TGM6: variants seen among roughly 807,000 people sequenced by gnomAD.
TGM6 encodes protein-glutamine gamma-glutamyltransferase 6.
Under a neutral mutation model 77.5 loss-of-function variants are expected in TGM6, and 74 were observed. That is an observed-to-expected ratio of 0.96 (90% CI 0.79 to 1.16). The LOEUF is 1.16. Ranked by LOEUF, TGM6 falls within the 50% of genes most tolerant of loss-of-function variation. TGM6 has a pLI of 0.00. For missense variants in TGM6, 968 were observed against 940.2 expected, an observed-to-expected ratio of 1.03 and a Z score of -0.39; for synonymous variants, 383 against 378.9, an observed-to-expected ratio of 1.01 and a Z score of -0.12.
At chr20:2,413,637 A>T (rs368423358) in intron 9 of TGM6, among the ~76,000 whole-genome samples, 2 of 152,206 alleles carry the variant, frequency 1.3e-5, no homozygotes, top group Non-Finnish European at 2.9e-5. Context: ...ACATCCCCAC[A>T]TGCAAAAGAA....
At chr20:2,394,703 G>A in intron 2 of TGM6, 78 bp downstream of exon 2, 2 of 1,457,444 alleles carry the variant, frequency 1.4e-6, no homozygotes, top group Non-Finnish European at 1.9e-6. Flanking sequence ...ATAAGACCTT[G>A]CAGTCAGCAG....
chr20:2,411,352 C>G (rs1298325272), intron 9 of TGM6, among the ~76,000 whole-genome samples: 3 of 152,030 alleles, frequency 2.0e-5, no homozygotes, highest in African/African-American at 7.2e-5. Flanking sequence ...CATTGAAAAT[C>G]AGCTAATATA....
At position 2,382,852 on chromosome 20, in the gene TGM6, C is replaced by T. The variant is rs540213507; in HGVS notation, c.7+1877C>T. Among the ~76,000 whole-genome samples the T allele has an allele frequency of 8.5e-5, 13 of 152,276 alleles. No homozygotes were observed. The South Asian group carries it at 2.7e-3, about 32-fold the overall frequency. ...CTTCCCTCTGGAGCCTGGATGTGGC[C>T]CCAGAATGCTCAACCCAGCTCTTTA... On this transcript the variant is annotated intron_variant, in intron 1 of 12. Transcript: ENST00000202625.
chr20:2,429,448 A>T (rs532932044), intron 10 of TGM6, among the ~76,000 whole-genome samples: 87 of 150,852 alleles, frequency 5.8e-4, no homozygotes, highest in Non-Finnish European at 1.1e-3. Flanking sequence ...ACCTAAAAGA[A>T]AGAATATATA....
chr20:2,383,871 G>A (rs977810836), intron 1 of TGM6, among the ~76,000 whole-genome samples: 3 of 152,064 alleles, frequency 2.0e-5, no homozygotes, highest in Non-Finnish European at 2.9e-5. Flanking sequence ...ACTTTGCGAG[G>A]CCAAGGTGAG....
rs900668815 is a variant in TGM6, at chr20:2,399,692, A to T, written c.804A>T (p.Pro268=). The T allele has an allele frequency of 4.3e-6, 7 of 1,613,678 alleles. No homozygotes were observed. Among genetic ancestry groups the T allele is most frequent in the South Asian group, 2.2e-5 (2 of 91,040 alleles). The change falls in exon 6 of 13, where the codon CCA becomes CCT. Residue 268 remains proline (P), a synonymous_variant. Transcript: ENST00000202625. The part of the protein sequence containing the change: ...LQKWLKGRYK[P]VKYGQCWVFA... Reference sequence around the variant, plus strand: ...AGTGGCTCAAGGGCAGGTACAAGCCAGTCAAGTACGGCCAGTGCTGGGTCT... The same window carrying T: ...AGTGGCTCAAGGGCAGGTACAAGCCTGTCAAGTACGGCCAGTGCTGGGTCT...
chr20:2,409,094 T>G lies in TGM6; in HGVS notation c.1336+5271T>G, dbSNP rs534691075. ...CATATGCTCAGCCATAAAATAAGCC[T>G]CAGTAAACTTAAGAGGATTGAAATC... On this transcript the variant is annotated intron_variant, in intron 9 of 12. Coordinates refer to ENST00000202625, the MANE Select transcript of TGM6 (RefSeq NM_198994.3). Among the ~76,000 whole-genome samples the G allele has an allele frequency of 9.2e-5, 14 of 152,314 alleles. No homozygotes were observed. In the East Asian group the frequency reaches 2.7e-3, roughly 29 times the overall value.
chr20:2,426,450 T>G (rs2122432789), intron 10 of TGM6, among the ~76,000 whole-genome samples: 1 of 152,340 alleles, frequency 6.6e-6, no homozygotes, highest in East Asian at 1.9e-4. Flanking sequence ...AACAATTATA[T>G]CATTTGTGAA....
intron 5 of TGM6, among the ~76,000 whole-genome samples, chr20:2,398,967 T>C (rs1021162912): frequency 1.3e-5 from 2 of 152,062 alleles, no homozygotes; most frequent in African/African-American, 4.8e-5. Context: ...GCACAGAGAA[T>C]TAACATGAGT....
In TGM6 at chr20:2,389,407, C is replaced by G. The variant is rs2084616340; in HGVS notation, c.8-5045C>G. ...TCCAATTAAGAGCTGGCCAGTGGAG[C>G]TCTGCCCAAATTCCTGACCCACAAA... On this transcript the variant is annotated intron_variant, in intron 1 of 12. Coordinates refer to ENST00000202625, the MANE Select transcript of TGM6 (RefSeq NM_198994.3). Among the ~76,000 whole-genome samples the G allele has an allele frequency of 3.3e-5, 5 of 152,208 alleles. No individual in the cohort carries two copies. In the South Asian group the frequency reaches 1.0e-3, roughly 32 times the overall value.
intron 1 of TGM6, among the ~76,000 whole-genome samples, chr20:2,386,611 T>C (rs1375731350): frequency 6.6e-6 from 1 of 152,120 alleles, no homozygotes; most frequent in Admixed American, 6.5e-5. Context: ...GCTGGGACCA[T>C]GATCAAGTAT....
intron 1 of TGM6, among the ~76,000 whole-genome samples, chr20:2,389,687 T>C (rs1041913695): frequency 6.6e-6 from 1 of 152,174 alleles, no homozygotes; most frequent in Non-Finnish European, 1.5e-5. Flanking sequence ...AGGAAATCAA[T>C]TTTTCACTAA....
intron 12 of TGM6, 45 bp downstream of exon 12, chr20:2,431,072 C>G (rs1334288616): frequency 2.5e-6 from 4 of 1,581,884 alleles, no homozygotes; most frequent in Non-Finnish European, 2.6e-6. Flanking sequence ...GGCTCTCTTC[C>G]TTGTGGATGA....
chr20:2,382,807 C>T (rs893563482), intron 1 of TGM6, among the ~76,000 whole-genome samples: 2 of 152,180 alleles, frequency 1.3e-5, no homozygotes, highest in Admixed American at 6.5e-5. Flanking sequence ...TGGTGGACAT[C>T]CCTAGTTGAC....
intron 1 of TGM6, among the ~76,000 whole-genome samples, chr20:2,388,976 A>G (rs1364792512): frequency 6.6e-6 from 1 of 152,136 alleles, no homozygotes; most frequent in African/African-American, 2.4e-5. Context: ...TCTCAGCTCA[A>G]TATTCTTTTT....
intron 10 of TGM6, among the ~76,000 whole-genome samples, chr20:2,419,891 C>G (rs2084844215): frequency 1.3e-5 from 2 of 152,106 alleles, no homozygotes; most frequent in Non-Finnish European, 2.9e-5. Flanking sequence ...CATTTTGATG[C>G]AAAAAGAAAT....
chr20:2,393,087 A>G (rs2084639560), intron 1 of TGM6, among the ~76,000 whole-genome samples: 1 of 152,210 alleles, frequency 6.6e-6, no homozygotes, highest in African/African-American at 2.4e-5. Flanking sequence ...TATACAGTCC[A>G]TCCTCAACAC....
chr20:2,392,292 C>T (rs965946637), intron 1 of TGM6, among the ~76,000 whole-genome samples: 2 of 152,194 alleles, frequency 1.3e-5, no homozygotes, highest in East Asian at 1.9e-4. Context: ...AGATCCAACA[C>T]TCAACTCTTT....
chr20:2,392,859 C>T (rs980764199), intron 1 of TGM6, among the ~76,000 whole-genome samples: 6 of 152,232 alleles, frequency 3.9e-5, no homozygotes, highest in South Asian at 2.1e-4. Flanking sequence ...TCCGAGATTG[C>T]GCCACTGCAC....
Sources: allele counts gnomAD v4.1 joint callset (sites outside exome capture counted in the v4.1 genomes callset), GRCh38; gene constraint gnomAD v4.1.1; transcripts MANE v1.5; gene names NCBI Gene and HGNC (gene_info 2026-07-23, HGNC 2026-07-21).